The following CEP162 variants were observed in gnomAD, a reference collection of about 807,000 sequenced individuals.
CEP162 encodes the protein centrosomal protein 162.
In CEP162, 141 loss-of-function variants were observed where a neutral mutation model predicts 169.2. The observed-to-expected ratio is 0.83, with a 90% confidence interval of 0.73 to 0.96. CEP162 has a LOEUF of 0.96. Ranked by LOEUF, CEP162 falls within the 40% of genes least tolerant of loss-of-function variation. The pLI is 0.00. For synonymous variants in CEP162, 540 were observed against 526.4 expected (o/e 1.03, Z -0.35); for missense variants, 1,600 against 1,587.2 (o/e 1.01, Z -0.14).
chr6:84,178,265 GT>G (rs933285654), intron 13 of CEP162, among the ~76,000 whole-genome samples: 1 of 150,702 alleles, frequency 6.6e-6, no homozygotes, highest in Non-Finnish European at 1.5e-5. Flanking sequence ...ATGGTATGGT[GT>G]TTTTTTTTAA....
At chr6:84,213,778 A>C (rs1441635653) in intron 5 of CEP162, among the ~76,000 whole-genome samples, 3 of 152,214 alleles carry the variant, frequency 2.0e-5, no homozygotes, top group Non-Finnish European at 4.4e-5. Context: ...AATGTAGCAA[A>C]GTGGCAAAAA....
intron 22 of CEP162, among the ~76,000 whole-genome samples, chr6:84,154,274 C>T (rs1487383756): frequency 6.6e-6 from 1 of 152,220 alleles, no homozygotes; most frequent in East Asian, 1.9e-4. Flanking sequence ...TAATTATAAT[C>T]ATTAATTGTT....
At chr6:84,141,674 C>T (rs2099516706) in intron 25 of CEP162, among the ~76,000 whole-genome samples, 1 of 152,130 alleles carries the variant, frequency 6.6e-6, no homozygotes, top group Non-Finnish European at 1.5e-5. Context: ...ATATCCAGGG[C>T]CGGGGTGTAT....
chr6:84,174,076 T>A lies in CEP162; in HGVS notation c.2138A>T (p.Gln713Leu). 6.2e-7 allele frequency: 1 copy of A among 1,612,952 alleles called. No homozygotes were observed. The highest frequency in any genetic ancestry group is 8.5e-7 in the Non-Finnish European group (1 of 1,179,286). ...TTGATATCCTTGAAGAAGTGTCTCT[T>A]GTTCTTGTATTTCTTTTTGGATTTG... ...LKQIQKEIQE[Q>L]ETLLQGYQQE... is the part of the protein sequence containing the mutation. Residue 713 changes from glutamine to leucine, a missense_variant, in exon 16 of 27, where the codon CAA becomes CTA. By Grantham distance (113) the Gln-to-Leu change is moderately radical (BLOSUM62 -2). Transcript: ENST00000403245.
Position 84,124,679 on chromosome 6 carries a change from AT to A in CEP162, c.*390del. 1 of 247,004 alleles carries A rather than the reference AT, an allele frequency of 4.0e-6. No individual in the cohort carries two copies. The highest frequency in any genetic ancestry group is 7.7e-6 in the Non-Finnish European group (1 of 129,848). 15.3% of individuals were successfully genotyped at this position (247,004 alleles called of 1,614,324 possible). On this transcript the variant is annotated 3_prime_UTR_variant, in exon 27 of 27. Coordinates refer to ENST00000403245, the MANE Select transcript of CEP162 (RefSeq NM_014895.4). Reference sequence around the variant, plus strand: ...CACTAGAAGCCCAATTCCCACCATTATTCAATACACCCATGTTACAACAAGC... The same window carrying A: ...CACTAGAAGCCCAATTCCCACCATTATCAATACACCCATGTTACAACAAGC...
Position 84,143,067 on chromosome 6 carries a change from C to A in CEP162, c.3870+3620G>T, listed in dbSNP as rs117818219. Among the ~76,000 whole-genome samples, 16 of 151,964 alleles carry A rather than the reference C, an allele frequency of 1.1e-4. No homozygotes were observed. In the East Asian group the frequency reaches 2.9e-3, roughly 28 times the overall value. Reference sequence around the variant, plus strand: ...ATGTTTGTAAAAAAAAATTAGTTACCCAAATCTCTTTGGTATAGCTTACAT... The same window carrying A: ...ATGTTTGTAAAAAAAAATTAGTTACACAAATCTCTTTGGTATAGCTTACAT... On this transcript the variant is annotated intron_variant, in intron 25 of 26. Coordinates refer to ENST00000403245, the MANE Select transcript of CEP162 (RefSeq NM_014895.4).
At chr6:84,218,119 G>T (rs545445787) in intron 3 of CEP162, among the ~76,000 whole-genome samples, 5 of 152,290 alleles carry the variant, frequency 3.3e-5, no homozygotes, top group Non-Finnish European at 7.3e-5. Context: ...ACCAAGACAG[G>T]AAAATCCAAG....
chr6:84,202,525 T>TC (rs1456956845), intron 7 of CEP162, among the ~76,000 whole-genome samples: 2 of 121,396 alleles, frequency 1.6e-5, no homozygotes, highest in Non-Finnish European at 1.8e-5. Context: ...TTTCTTTTTT[T>TC]TTTTTTTTTT....
At chr6:84,134,949 C>T (rs1044780436) in intron 25 of CEP162, among the ~76,000 whole-genome samples, 4 of 151,266 alleles carry the variant, frequency 2.6e-5, no homozygotes, top group African/African-American at 9.7e-5. Context: ...CACACACACA[C>T]ACACACATAT....
At position 84,201,916 on chromosome 6, in the gene CEP162, A is replaced by G. The variant is rs144237245; in HGVS notation, c.688-149T>C. On this transcript the variant is annotated intron_variant, in intron 7 of 26. Transcript: ENST00000403245. ...CTGTGTTTTCTAGGCTTCTTTCACCACTGACTCTCATTTATCAATAATTCT... is the reference window on the plus strand; with the variant it reads ...CTGTGTTTTCTAGGCTTCTTTCACCGCTGACTCTCATTTATCAATAATTCT... 9.9e-3 allele frequency: 4,959 copies of G among 500,646 alleles called. 207 individuals are homozygous for G. The highest frequency in any genetic ancestry group is 0.091 in the African/African-American group (4,525 of 49,566). 31.0% of individuals were successfully genotyped at this position (500,646 alleles called of 1,614,324 possible). A position where few individuals can be genotyped will look rare whatever the true frequency, so the allele number is the denominator to read the frequency against.
chr6:84,185,249 T>C lies in CEP162; in HGVS notation c.1601A>G (p.Glu534Gly), dbSNP rs1336705245. ...MFSTLEKKTSEDIIKSKNLRS... is the reference protein window; with the variant it reads ...MFSTLEKKTSGDIIKSKNLRS... ...CAAGTTTTTGCTTTTTATAATGTCC[T>C]CTGAAGTTTTCTTTTCAAGAGTAGA... is the stretch of plus-strand genomic sequence containing the variant. Residue 534 changes from glutamate (E) to glycine (G), a missense_variant, in exon 13 of 27, where the codon GAG becomes GGG. By Grantham distance (98) the Glu-to-Gly change is moderately conservative. Coordinates refer to ENST00000403245, the MANE Select transcript of CEP162 (RefSeq NM_014895.4). The C allele has an allele frequency of 2.5e-6, 4 of 1,613,474 alleles. No homozygotes were observed. The East Asian group carries it at 8.9e-5, about 36-fold the overall frequency.
At chr6:84,218,009 T>C (rs1334390164) in intron 3 of CEP162, 13 of 152,226 alleles carry the variant, frequency 8.5e-5, no homozygotes, top group Admixed American at 7.9e-4. Context: ...ACAGTAACCA[T>C]TGGAGGTTAC....
At chr6:84,160,500 G>C (rs1053866990) in intron 21 of CEP162, among the ~76,000 whole-genome samples, 1 of 152,152 alleles carries the variant, frequency 6.6e-6, no homozygotes, top group African/African-American at 2.4e-5. Context: ...CGGTCAGGAA[G>C]AGAAATCCTA....
chr6:84,186,820 GATA>G (rs1456747272), intron 11 of CEP162, among the ~76,000 whole-genome samples, 197 bp from the exon 12 acceptor site: 2 of 152,096 alleles, frequency 1.3e-5, no homozygotes, highest in Non-Finnish European at 2.9e-5. Flanking sequence ...TTTAATTTCG[GATA>G]ATAATTTTAA....
intron 13 of CEP162, among the ~76,000 whole-genome samples, chr6:84,176,552 G>A (rs1278281210): frequency 2.6e-5 from 4 of 152,106 alleles, no homozygotes; most frequent in Admixed American, 6.6e-5. Context: ...GGAACGTCCC[G>A]GATCAGAAAA....
At chr6:84,212,689 G>A (rs2099549974) in intron 6 of CEP162, among the ~76,000 whole-genome samples, 1 of 151,612 alleles carries the variant, frequency 6.6e-6, no homozygotes, top group Non-Finnish European at 1.5e-5. Context: ...TGCTGTAAAG[G>A]GTAAAAACAC....
chr6:84,137,492 T>G, intron 25 of CEP162, among the ~76,000 whole-genome samples: 1 of 152,096 alleles, frequency 6.6e-6, no homozygotes, highest in Non-Finnish European at 1.5e-5. Context: ...TTATTAGAGG[T>G]AAGTCTTAAA....
At chr6:84,181,216 A>T (rs1003328864) in intron 13 of CEP162, among the ~76,000 whole-genome samples, 1 of 152,220 alleles carries the variant, frequency 6.6e-6, no homozygotes, top group Non-Finnish European at 1.5e-5. Context: ...CAACCATCTG[A>T]TCTTTGACAA....
chr6:84,174,243 A>C, intron 15 of CEP162, 55 bp from the exon 16 acceptor site: 1 of 1,408,662 alleles, frequency 7.1e-7, no homozygotes. Context: ...TAAGGTGAGA[A>C]GTGAGAAAGA....
Sources: gnomAD v4.1 joint callset for allele counts (sites outside exome capture counted in the v4.1 genomes callset) on GRCh38, gnomAD v4.1.1 for gene constraint, MANE v1.5 for transcripts, NCBI Gene and HGNC (gene_info 2026-07-23, HGNC 2026-07-21) for gene names.